The following NEDD4 variants were observed in gnomAD, a reference collection of about 807,000 sequenced individuals.
NEDD4 encodes the protein E3 ubiquitin-protein ligase NEDD4.
NEDD4 carries 99 observed loss-of-function variants against 144.9 expected under a neutral mutation model. That is an observed-to-expected ratio of 0.68 (90% CI 0.58 to 0.81). The LOEUF is 0.81. NEDD4 is among the 30% of genes least tolerant of loss of function. The pLI is 0.00. For synonymous variants in NEDD4, 318 were observed against 350.6 expected, an observed-to-expected ratio of 0.91 and a Z score of 1.04; for missense variants, 985 against 1,065.9, an observed-to-expected ratio of 0.92 and a Z score of 1.06.
intron 5 of NEDD4, among the ~76,000 whole-genome samples, chr15:55,899,610 G>T (rs1349609927): frequency 1.3e-5 from 2 of 152,198 alleles, no homozygotes; most frequent in Non-Finnish European, 2.9e-5. Context: ...CACTCCTTCA[G>T]CCATAACCAC....
chr15:55,946,076 C>A (rs1167309461), intron 4 of NEDD4, among the ~76,000 whole-genome samples: 5 of 152,152 alleles, frequency 3.3e-5, no homozygotes, highest in African/African-American at 1.2e-4. Flanking sequence ...ATCATCGATG[C>A]TATGAAGAAA....
Position 55,883,696 on chromosome 15 carries a change from A to AACAC in NEDD4, c.292-9692_292-9689dup, listed in dbSNP as rs3049242. Among the ~76,000 whole-genome samples, 329 of 112,240 alleles carry AACAC rather than the reference A, an allele frequency of 2.9e-3. 2 individuals carry two copies. The highest frequency in any genetic ancestry group is 0.018 in the South Asian group (53 of 2,976). 73.6% of individuals were successfully genotyped at this position (112,240 alleles called of 152,430 possible). A position where few individuals can be genotyped will look rare whatever the true frequency, so the allele number is the denominator to read the frequency against. On this transcript the variant is annotated intron_variant, in intron 5 of 28. Coordinates refer to ENST00000435532, the MANE Select transcript of NEDD4 (RefSeq NM_006154.4). The stretch of plus-strand genomic sequence containing the variant: ...GCATCTCAACACACACACACACACA[A>AACAC]ACACACACACACACACACACACACA...
At chr15:55,912,568 C>T (rs745936862) in intron 5 of NEDD4, among the ~76,000 whole-genome samples, 1 of 152,078 alleles carries the variant, frequency 6.6e-6, no homozygotes, top group Admixed American at 6.6e-5. Context: ...ACTGAAATCT[C>T]TGAGCATCCT....
chr15:55,832,949 C>T, intron 27 of NEDD4, 59 bp downstream of exon 27: 1 of 1,131,992 alleles, frequency 8.8e-7, no homozygotes, highest in Non-Finnish European at 1.3e-6. Context: ...GATTCGTCAG[C>T]CATGAAAAAG....
At chr15:55,907,149 G>T (rs1595827893) in intron 5 of NEDD4, among the ~76,000 whole-genome samples, 2 of 151,436 alleles carry the variant, frequency 1.3e-5, no homozygotes, top group East Asian at 3.9e-4. Context: ...TAAAGAAAGG[G>T]GGAAACTTGG....
intron 5 of NEDD4, among the ~76,000 whole-genome samples, chr15:55,876,597 G>C (rs1187197474): frequency 6.6e-6 from 1 of 152,034 alleles, no homozygotes; most frequent in African/African-American, 2.4e-5. Context: ...ACAGAGAAGA[G>C]TTAAAATGGA....
intron 1 of NEDD4, among the ~76,000 whole-genome samples, chr15:55,974,955 C>T (rs574118166): frequency 5.0e-4 from 68 of 137,248 alleles, no homozygotes; most frequent in African/African-American, 1.8e-3. Context: ...TGCAGTGGCA[C>T]GATCTCAGCT....
chr15:55,847,139 T>C (rs1161911305), intron 17 of NEDD4, 105 bp from the exon 18 acceptor site: 1 of 585,610 alleles, frequency 1.7e-6, no homozygotes, highest in East Asian at 3.2e-5. Context: ...AAAAGAAAAA[T>C]ATTTGGAAAG....
At chr15:55,914,211 T>A (rs893184822) in intron 5 of NEDD4, among the ~76,000 whole-genome samples, 12 of 151,602 alleles carry the variant, frequency 7.9e-5, no homozygotes, top group East Asian at 3.9e-4. Flanking sequence ...TTTTTTTTTT[T>A]AAAACAATCT....
Position 55,829,786 on chromosome 15 carries a change from G to T in NEDD4, c.*111C>A. On this transcript the variant is annotated 3_prime_UTR_variant, in exon 29 of 29. Transcript: ENST00000435532. ...ATGCTTTTTATATGATTTTCTTCAA[G>T]ATCTGGGAAGACTCAGTGGCCACAT... 1 of 650,122 alleles carries T rather than the reference G, an allele frequency of 1.5e-6. No homozygotes were observed. Among genetic ancestry groups the T allele is most frequent in the South Asian group, 2.0e-5 (1 of 49,086 alleles). The allele number at this position is 650,122 out of a possible 1,614,324, so 40.3% of individuals were successfully genotyped here.
intron 5 of NEDD4, among the ~76,000 whole-genome samples, chr15:55,920,171 T>C (rs1484917827): frequency 2.4e-5 from 3 of 123,058 alleles, no homozygotes; most frequent in Non-Finnish European, 3.5e-5. Context: ...GTCTTCACTA[T>C]ATATATATTG....
intron 5 of NEDD4, among the ~76,000 whole-genome samples, chr15:55,892,399 TCACA>T (rs2035601061): frequency 1.3e-5 from 2 of 151,844 alleles, no homozygotes; most frequent in African/African-American, 2.4e-5. Context: ...AATAATTTCT[TCACA>T]GCCAGAGGCC....
chr15:55,901,926 A>T (rs1297469131), intron 5 of NEDD4, among the ~76,000 whole-genome samples: 1 of 152,072 alleles, frequency 6.6e-6, no homozygotes, highest in African/African-American at 2.4e-5. Flanking sequence ...TATATTATAT[A>T]AATATAAAAA....
intron 5 of NEDD4, among the ~76,000 whole-genome samples, chr15:55,874,939 A>C (rs904167792): frequency 6.6e-6 from 1 of 151,902 alleles, no homozygotes; most frequent in Non-Finnish European, 1.5e-5. Context: ...ATGCCACTGC[A>C]CTCCAGCTTG....
At chr15:55,905,105 AAG>A in intron 5 of NEDD4, 2 of 311,342 alleles carry the variant, frequency 6.4e-6, no homozygotes, top group Non-Finnish European at 1.2e-5. Flanking sequence ...AAAAAAAAAA[AAG>A]AAAAGAAAAG....
intron 19 of NEDD4, 49 bp from the exon 20 acceptor site, chr15:55,840,776 G>T (rs1047962231): frequency 6.5e-7 from 1 of 1,541,672 alleles, no homozygotes; most frequent in Middle Eastern, 1.7e-4. Flanking sequence ...ACTTTAATAT[G>T]ACAAATAATT....
At chr15:55,862,443 G>A (rs1463614062) in intron 9 of NEDD4, among the ~76,000 whole-genome samples, 6 of 152,118 alleles carry the variant, frequency 3.9e-5, no homozygotes, top group African/African-American at 4.8e-5. Flanking sequence ...TGTGCGTGCT[G>A]GAAGTTATGT....
At chr15:55,963,326 C>A (rs1275369101) in intron 2 of NEDD4, among the ~76,000 whole-genome samples, 2 of 148,752 alleles carry the variant, frequency 1.3e-5, no homozygotes, top group Non-Finnish European at 3.0e-5. Context: ...GTGACAGGGT[C>A]CCACTTTGTT....
chr15:55,966,555 CA>C lies in NEDD4; in HGVS notation c.46-10del. ...ACAATTCGTGAATTTTCCTAAAATA[CA>C]AAAATTTAGATTTCATTTTCATGTA... On this transcript the variant is annotated splice_polypyrimidine_tract_variant and intron_variant, in intron 1 of 28. Coordinates refer to ENST00000435532, the MANE Select transcript of NEDD4 (RefSeq NM_006154.4). 1 of 1,496,408 alleles carries C rather than the reference CA, an allele frequency of 6.7e-7. No homozygotes were observed. Among genetic ancestry groups the C allele is most frequent in the Admixed American group, 2.3e-5 (1 of 42,844 alleles). 92.7% of individuals were successfully genotyped at this position (1,496,408 alleles called of 1,614,324 possible). A position where few individuals can be genotyped will look rare whatever the true frequency, so the allele number is the denominator to read the frequency against.
Sources: allele counts gnomAD v4.1 joint callset (sites outside exome capture counted in the v4.1 genomes callset), GRCh38; gene constraint gnomAD v4.1.1; transcripts MANE v1.5; gene names NCBI Gene and HGNC (gene_info 2026-07-23, HGNC 2026-07-21).